RIMS2: variants seen among roughly 807,000 people sequenced by gnomAD.
The protein encoded by RIMS2 is regulating synaptic membrane exocytosis 2, also known as regulating synaptic membrane exocytosis protein 2.
Under a neutral mutation model 174.4 loss-of-function variants are expected in RIMS2, and 59 were observed. The observed-to-expected ratio is 0.34, with a 90% CI of 0.27 to 0.42. The LOEUF (loss-of-function observed/expected upper bound fraction) is 0.42. Among genes scored for constraint, RIMS2 ranks in the 10% least tolerant of loss-of-function variants. RIMS2 has a pLI of 1.00. For synonymous variants in RIMS2, 606 were observed against 572.5 expected, an observed-to-expected ratio of 1.06 and a Z score of -0.84; for missense variants, 1,620 against 1,666.3, an observed-to-expected ratio of 0.97 and a Z score of 0.48.
intron 1 of RIMS2, among the ~76,000 whole-genome samples, chr8:103,574,090 A>G (rs1199365408): frequency 6.8e-6 from 1 of 146,514 alleles, no homozygotes; most frequent in Non-Finnish European, 1.5e-5. Flanking sequence ...TTTTTTTCCT[A>G]TCTAAAAGTG....
intron 1 of RIMS2, among the ~76,000 whole-genome samples, chr8:103,546,028 A>G (rs1353151931): frequency 2.6e-5 from 4 of 152,190 alleles, no homozygotes; most frequent in African/African-American, 9.6e-5. Flanking sequence ...ACCTGCACAT[A>G]TCAGTACTAA....
chr8:103,915,696 C>T (rs2076515295), intron 7 of RIMS2, 102 bp downstream of exon 10: 4 of 504,166 alleles, frequency 7.9e-6, no homozygotes, highest in African/African-American at 2.0e-5. Context: ...ACAAAGAGCT[C>T]ATTTAACTTA....
At chr8:103,971,576 T>A (rs1421328527) in intron 15 of RIMS2, among the ~76,000 whole-genome samples, 1 of 152,070 alleles carries the variant, frequency 6.6e-6, no homozygotes, top group Non-Finnish European at 1.5e-5. Context: ...GCATAGTTTT[T>A]TTTTTTTCTT....
intron 19 of RIMS2, among the ~76,000 whole-genome samples, chr8:104,100,662 T>C (rs998201355): frequency 2.0e-5 from 3 of 151,406 alleles, no homozygotes; most frequent in Non-Finnish European, 4.4e-5. Context: ...TTTATTATTA[T>C]CTCTCTTAAA....
chr8:104,133,671 A>C (rs927341094), intron 19 of RIMS2, among the ~76,000 whole-genome samples: 4 of 152,108 alleles, frequency 2.6e-5, no homozygotes, highest in Non-Finnish European at 5.9e-5. Context: ...TGCAGTAGAG[A>C]GTGGCATGGA....
chr8:103,612,332 G>C (rs893645025), intron 1 of RIMS2, among the ~76,000 whole-genome samples: 10 of 152,142 alleles, frequency 6.6e-5, no homozygotes, highest in Admixed American at 6.5e-5. Context: ...TTTCTGGATG[G>C]TTTTGATGCT....
chr8:103,715,071 A>G (rs1365295613), intron 2 of RIMS2, among the ~76,000 whole-genome samples: 2 of 152,168 alleles, frequency 1.3e-5, no homozygotes, highest in Non-Finnish European at 2.9e-5. Flanking sequence ...AGAGATATAA[A>G]ATCAACCAAG....
At chr8:103,581,231 A>G (rs894531144) in intron 1 of RIMS2, among the ~76,000 whole-genome samples, 1 of 152,210 alleles carries the variant, frequency 6.6e-6, no homozygotes, top group African/African-American at 2.4e-5. Flanking sequence ...AAAATGCTCA[A>G]CAAAATACTA....
intron 1 of RIMS2, among the ~76,000 whole-genome samples, chr8:103,583,504 T>C (rs905202841): frequency 2.0e-5 from 3 of 152,150 alleles, no homozygotes; most frequent in African/African-American, 7.2e-5. Flanking sequence ...AAATTTAAAA[T>C]AGTTGTGTTG....
chr8:103,682,881 G>A (rs574932953), intron 1 of RIMS2, among the ~76,000 whole-genome samples: 76 of 152,182 alleles, frequency 5.0e-4, no homozygotes, highest in African/African-American at 1.8e-3. Context: ...TTGCAGCCTT[G>A]ATAGTGCTGC....
intron 3 of RIMS2, among the ~76,000 whole-genome samples, chr8:103,786,855 A>G (rs111261863): frequency 0.11 from 17,153 of 151,818 alleles, 1,294 homozygotes; most frequent in African/African-American, 0.22. Context: ...TGATCTGTCT[A>G]ATGTTGACAG....
intron 1 of RIMS2, among the ~76,000 whole-genome samples, chr8:103,572,681 T>C (rs142841139): frequency 4.3e-4 from 65 of 152,348 alleles, no homozygotes; most frequent in African/African-American, 1.5e-3. Flanking sequence ...TTTCATATGT[T>C]TGTTGTCCAC....
At chr8:103,759,102 C>T in intron 2 of RIMS2, among the ~76,000 whole-genome samples, 1 of 152,298 alleles carries the variant, frequency 6.6e-6, no homozygotes, top group East Asian at 1.9e-4. Flanking sequence ...CCAGTCTCTT[C>T]TTTCCAGGCT....
chr8:103,524,388 A>C (rs1833023384), intron 1 of RIMS2, among the ~76,000 whole-genome samples: 2 of 152,188 alleles, frequency 1.3e-5, no homozygotes. Flanking sequence ...CACGCCACCG[A>C]AAGTTGTGTG....
At chr8:103,696,378 T>C (rs2097101290) in intron 1 of RIMS2, among the ~76,000 whole-genome samples, 1 of 152,186 alleles carries the variant, frequency 6.6e-6, no homozygotes, top group Admixed American at 6.6e-5. Flanking sequence ...TTGAAGTTCA[T>C]AGGTCTTGGC....
intron 2 of RIMS2, among the ~76,000 whole-genome samples, chr8:103,726,703 T>TTA (rs1297079241): frequency 5.4e-5 from 8 of 147,850 alleles, no homozygotes; most frequent in Admixed American, 2.7e-4. Context: ...TTTATATTAA[T>TTA]TATATATATA....
intron 1 of RIMS2, among the ~76,000 whole-genome samples, chr8:103,611,156 T>C (rs1392814606): frequency 1.3e-5 from 2 of 152,198 alleles, no homozygotes; most frequent in South Asian, 4.1e-4. Context: ...TGTTTTGTTT[T>C]GTTTTGTATT....
intron 1 of RIMS2, among the ~76,000 whole-genome samples, chr8:103,666,249 C>G (rs1304084473): frequency 6.6e-6 from 1 of 152,190 alleles, no homozygotes; most frequent in Non-Finnish European, 1.5e-5. Flanking sequence ...TTGCCTGAAA[C>G]TCAGTGATTG....
intron 19 of RIMS2, among the ~76,000 whole-genome samples, chr8:104,174,997 T>G (rs1033536051): frequency 1.3e-5 from 2 of 152,204 alleles, no homozygotes; most frequent in African/African-American, 4.8e-5. Context: ...AATAGTGAAT[T>G]TGTAATGGAG....
Sources: gnomAD v4.1 joint callset for allele counts (sites outside exome capture counted in the v4.1 genomes callset) on GRCh38, gnomAD v4.1.1 for gene constraint, MANE v1.5 for transcripts, NCBI Gene and HGNC (gene_info 2026-07-23, HGNC 2026-07-21) for gene names.